Variants in ACTR3B observed in about 807,000 individuals in gnomAD.
The protein encoded by ACTR3B is actin-related protein 3B.
ACTR3B carries 8 observed loss-of-function variants against 59.0 expected under a neutral mutation model. The observed-to-expected ratio is 0.14, with a 90% confidence interval of 0.08 to 0.24. The LOEUF is 0.24. Among genes scored for constraint, ACTR3B ranks in the 10% least tolerant of loss-of-function variants. ACTR3B has a pLI of 1.00. For synonymous variants in ACTR3B, 148 were observed against 197.9 expected (o/e 0.75, Z 2.12); for missense variants, 245 against 552.3 (o/e 0.44, Z 5.58).
intron 1 of ACTR3B, among the ~76,000 whole-genome samples, chr7:152,762,629 T>C (rs1434494723): frequency 6.6e-6 from 1 of 152,230 alleles, no homozygotes; most frequent in Admixed American, 6.5e-5. Context: ...TTAACATACA[T>C]ACAGTAGTAT....
intron 9 of ACTR3B, among the ~76,000 whole-genome samples, chr7:152,846,571 A>G (rs1381818672): frequency 2.3e-5 from 3 of 128,356 alleles, no homozygotes; most frequent in Non-Finnish European, 4.7e-5. Flanking sequence ...GTCTGTAGTG[A>G]GCTCTAGTGC....
At position 152,784,896 on chromosome 7, in the gene ACTR3B, A is replaced by G. The variant is rs1460332398; in HGVS notation, c.100+1654A>G. On this transcript the variant is annotated intron_variant, in intron 2 of 11. Transcript: ENST00000256001. ...AAGTTTCATCTCCAAATACAGTCAC[A>G]TTGAGGGTTAGGGCTTCTGCGTAGT... 4.6e-5 allele frequency among the ~76,000 whole-genome samples: 7 copies of G among 152,138 alleles called. No homozygotes were observed. The East Asian group carries it at 7.8e-4, about 17-fold the overall frequency.
At chr7:152,847,600 G>A (rs753925361) in intron 9 of ACTR3B, among the ~76,000 whole-genome samples, 2 of 152,258 alleles carry the variant, frequency 1.3e-5, no homozygotes, top group South Asian at 2.1e-4. Context: ...CAATATACAC[G>A]GATGAAGTAG....
chr7:152,827,843 C>A (rs1291777919), intron 9 of ACTR3B, among the ~76,000 whole-genome samples: 1 of 151,798 alleles, frequency 6.6e-6, no homozygotes, highest in Non-Finnish European at 1.5e-5. Context: ...AATATTGAGG[C>A]CTAAGAATGC....
intron 9 of ACTR3B, among the ~76,000 whole-genome samples, chr7:152,830,338 G>C (rs1358722439): frequency 2.0e-5 from 3 of 152,228 alleles, no homozygotes; most frequent in Non-Finnish European, 4.4e-5. Context: ...AATATCTTTA[G>C]CCTGCTCCAG....
chr7:152,796,606 A>G (rs2098217320), intron 2 of ACTR3B, among the ~76,000 whole-genome samples: 1 of 137,692 alleles, frequency 7.3e-6, no homozygotes, highest in Non-Finnish European at 1.6e-5. Flanking sequence ...GCTCAAACCT[A>G]GGTTTTCATA....
intron 1 of ACTR3B, among the ~76,000 whole-genome samples, chr7:152,777,785 T>C (rs1238574620): frequency 6.6e-6 from 1 of 152,060 alleles, no homozygotes; most frequent in Non-Finnish European, 1.5e-5. Context: ...ACCCCGTTTT[T>C]ACTAAAAATA....
chr7:152,849,833 G>A (rs1228504739), intron 9 of ACTR3B, among the ~76,000 whole-genome samples: 3 of 152,268 alleles, frequency 2.0e-5, no homozygotes, highest in Admixed American at 6.5e-5. Flanking sequence ...CAGACACTCG[G>A]TAGAATTGGA....
At chr7:152,785,470 G>A (rs201799596) in intron 2 of ACTR3B, among the ~76,000 whole-genome samples, 8 of 2,294 alleles carry the variant, frequency 3.5e-3, no homozygotes, top group African/African-American at 0.024. Context: ...AGGGGGAGGG[G>A]GAGGGAGAGA....
chr7:152,821,049 G>A (rs1408644720), intron 7 of ACTR3B, among the ~76,000 whole-genome samples: 1 of 152,114 alleles, frequency 6.6e-6, no homozygotes, highest in Admixed American at 6.5e-5. Flanking sequence ...AGGTCAGGAG[G>A]CACTGGCATG....
At chr7:152,819,214 G>A (rs1795958761) in intron 6 of ACTR3B, among the ~76,000 whole-genome samples, 1 of 152,152 alleles carries the variant, frequency 6.6e-6, no homozygotes, top group African/African-American at 2.4e-5. Context: ...TAGAAGTTAC[G>A]TATATCAGAA....
At chr7:152,851,550 G>A (rs1481528433) in intron 9 of ACTR3B, among the ~76,000 whole-genome samples, 2 of 152,226 alleles carry the variant, frequency 1.3e-5, no homozygotes, top group Admixed American at 6.5e-5. Context: ...CTGGGCAGGC[G>A]GAGCGGGACA....
At chr7:152,807,631 G>A (rs1485110306) in intron 4 of ACTR3B, among the ~76,000 whole-genome samples, 9 of 152,202 alleles carry the variant, frequency 5.9e-5, no homozygotes. Flanking sequence ...CAAGAGGCTT[G>A]CTTTCTTTGT....
chr7:152,843,185 A>G (rs1563152193), intron 9 of ACTR3B, among the ~76,000 whole-genome samples: 1 of 152,156 alleles, frequency 6.6e-6, no homozygotes, highest in Non-Finnish European at 1.5e-5. Flanking sequence ...ACAGAAATGT[A>G]TGGAAGCCCA....
At chr7:152,780,723 A>T (rs2098149922) in intron 1 of ACTR3B, among the ~76,000 whole-genome samples, 1 of 151,918 alleles carries the variant, frequency 6.6e-6, no homozygotes. Flanking sequence ...CATTTGTTTC[A>T]TACATTTCAT....
At chr7:152,847,610 G>A (rs145577608) in intron 9 of ACTR3B, among the ~76,000 whole-genome samples, 442 of 152,282 alleles carry the variant, frequency 2.9e-3, no homozygotes, top group South Asian at 0.011. Flanking sequence ...GGATGAAGTA[G>A]CTGAAGGAAT....
At chr7:152,773,639 A>G (rs2098129526) in intron 1 of ACTR3B, among the ~76,000 whole-genome samples, 1 of 152,346 alleles carries the variant, frequency 6.6e-6, no homozygotes, top group East Asian at 1.9e-4. Flanking sequence ...GCACAGTAAA[A>G]GAAAGCGTGA....
At chr7:152,842,727 AC>A (rs1407598422) in intron 9 of ACTR3B, among the ~76,000 whole-genome samples, 21 of 152,134 alleles carry the variant, frequency 1.4e-4, no homozygotes, top group African/African-American at 5.1e-4. Context: ...ATTACAAAAA[AC>A]CCTGCTATGA....
intron 2 of ACTR3B, among the ~76,000 whole-genome samples, chr7:152,799,275 T>C (rs1320483475): frequency 1.3e-5 from 2 of 152,206 alleles, no homozygotes; most frequent in African/African-American, 4.8e-5. Flanking sequence ...AATATTTTAG[T>C]GGAGTAAAAT....
Sources: gnomAD v4.1 joint callset for allele counts (sites outside exome capture counted in the v4.1 genomes callset) on GRCh38, gnomAD v4.1.1 for gene constraint, MANE v1.5 for transcripts, NCBI Gene and HGNC (gene_info 2026-07-23, HGNC 2026-07-21) for gene names.